The following AUH variants were observed in gnomAD, a reference collection of about 807,000 sequenced individuals.
AUH encodes the protein methylglutaconyl-CoA hydratase, mitochondrial.
Under a neutral mutation model 42.3 loss-of-function variants are expected in AUH, and 29 were observed. That is an observed-to-expected ratio of 0.69 (90% CI 0.51 to 0.93). AUH has a LOEUF of 0.93. AUH is among the 40% of genes least tolerant of loss of function. The pLI is 0.00. For synonymous variants in AUH, 174 were observed against 166.4 expected, an observed-to-expected ratio of 1.05 and a Z score of -0.35; for missense variants, 452 against 438.1, an observed-to-expected ratio of 1.03 and a Z score of -0.28.
chr9:91,219,050 G>A (rs1164735318), intron 7 of AUH: 13 of 985,034 alleles, frequency 1.3e-5, no homozygotes, highest in Admixed American at 1.2e-4. Context: ...CTGTGATGAC[G>A]GCTGGGTAAC....
intron 1 of AUH, chr9:91,357,551 C>T: frequency 1.1e-6 from 1 of 903,072 alleles, no homozygotes; most frequent in Non-Finnish European, 1.3e-6. Context: ...TCATAGAAAT[C>T]ATTAATAATC....
chr9:91,288,679 A>G (rs1026777924), intron 6 of AUH, among the ~76,000 whole-genome samples: 1 of 152,170 alleles, frequency 6.6e-6, no homozygotes, highest in South Asian at 2.1e-4. Context: ...TACATCTGAT[A>G]TAACTACTAC....
At chr9:91,279,389 T>C (rs1474109085) in intron 6 of AUH, among the ~76,000 whole-genome samples, 1 of 152,162 alleles carries the variant, frequency 6.6e-6, no homozygotes, top group Non-Finnish European at 1.5e-5. Flanking sequence ...TCCAACAGTA[T>C]TAGGCTATTT....
chr9:91,306,383 C>T, intron 4 of AUH: 10 of 985,348 alleles, frequency 1.0e-5, no homozygotes, highest in Non-Finnish European at 1.2e-5. Flanking sequence ...TAACAAAACT[C>T]TTGGCATTTA....
At chr9:91,225,734 A>C (rs1827418970) in intron 6 of AUH, among the ~76,000 whole-genome samples, 1 of 128,146 alleles carries the variant, frequency 7.8e-6, no homozygotes, top group Non-Finnish European at 1.6e-5. Flanking sequence ...CCAGAGTGTG[A>C]TTGTTCCCCT....
At chr9:91,228,679 T>A (rs1393734620) in intron 6 of AUH, among the ~76,000 whole-genome samples, 1 of 149,426 alleles carries the variant, frequency 6.7e-6, no homozygotes, top group Non-Finnish European at 1.5e-5. Flanking sequence ...CTGCTTTCTC[T>A]TGTGGGCATT....
intron 3 of AUH, among the ~76,000 whole-genome samples, chr9:91,354,553 T>C (rs538485985): frequency 2.0e-5 from 3 of 152,212 alleles, no homozygotes; most frequent in East Asian, 3.9e-4. Flanking sequence ...AATGCAGAAA[T>C]CTAGAACAAA....
Position 91,286,747 on chromosome 9 carries a change from T to C in AUH, c.655+9274A>G, listed in dbSNP as rs371714043. On this transcript the variant is annotated intron_variant, in intron 6 of 9. Transcript: ENST00000375731. ...AAAAAAAAAAAAAAAAATCTATCTA[T>C]CTACCTATCTACCTACCTACCTAAC... is the stretch of plus-strand genomic sequence containing the variant. Among the ~76,000 whole-genome samples, 86 of 151,284 alleles carry C rather than the reference T, an allele frequency of 5.7e-4. 3 individuals are homozygous for C. The South Asian group carries it at 0.011, about 19-fold the overall frequency.
intron 6 of AUH, among the ~76,000 whole-genome samples, chr9:91,267,690 T>C (rs1392606656): frequency 6.6e-6 from 1 of 151,778 alleles, no homozygotes; most frequent in Non-Finnish European, 1.5e-5. Flanking sequence ...CTGTTAGTGG[T>C]TTAAGGGAGC....
chr9:91,344,216 A>G (rs1171996289), intron 3 of AUH, among the ~76,000 whole-genome samples: 1 of 152,182 alleles, frequency 6.6e-6, no homozygotes, highest in Non-Finnish European at 1.5e-5. Context: ...CTTGGTCTCC[A>G]CAACTAAGAC....
Position 91,230,324 on chromosome 9 carries a change from C to T in AUH, c.656-9332G>A, listed in dbSNP as rs575575411. Among the ~76,000 whole-genome samples the T allele has an allele frequency of 1.9e-4, 29 of 152,234 alleles. No individual in the cohort carries two copies. The South Asian group carries it at 6.0e-3, about 32-fold the overall frequency. On this transcript the variant is annotated intron_variant, in intron 6 of 9. Transcript: ENST00000375731. ...TCATTTCATCTTCCATTGCTGATACCTTTTCTTCCAGTTGATCGCAGCGGC... is the reference window on the plus strand; with the variant it reads ...TCATTTCATCTTCCATTGCTGATACTTTTTCTTCCAGTTGATCGCAGCGGC...
chr9:91,321,587 T>A (rs1829576378), intron 4 of AUH, among the ~76,000 whole-genome samples: 1 of 152,126 alleles, frequency 6.6e-6, no homozygotes, highest in African/African-American at 2.4e-5. Context: ...GAAGTGAGAT[T>A]TCTTGAATAA....
chr9:91,279,257 T>C (rs1825780292), intron 6 of AUH, among the ~76,000 whole-genome samples: 1 of 152,164 alleles, frequency 6.6e-6, no homozygotes, highest in South Asian at 2.1e-4. Context: ...TCCTAGTCAA[T>C]TCTCACAACA....
intron 6 of AUH, among the ~76,000 whole-genome samples, chr9:91,249,292 C>CAAAAAAAAAAA (rs59102669): frequency 1.2e-4 from 4 of 32,532 alleles, no homozygotes; most frequent in African/African-American, 3.0e-4. Context: ...GAACCTGTCT[C>CAAAAAAAAAAA]AAAAAAAAAA....
chr9:91,246,818 A>C (rs1239208144), intron 6 of AUH, among the ~76,000 whole-genome samples: 1 of 152,256 alleles, frequency 6.6e-6, no homozygotes, highest in East Asian at 1.9e-4. Flanking sequence ...AAAATCCAAG[A>C]GTTAGGAATA....
chr9:91,232,642 T>C (rs571284085), intron 6 of AUH, among the ~76,000 whole-genome samples: 37 of 152,364 alleles, frequency 2.4e-4, no homozygotes, highest in African/African-American at 8.2e-4. Context: ...GCTGCATTAC[T>C]ATGCTATGAA....
At chr9:91,286,214 T>A (rs1314628343) in intron 6 of AUH, among the ~76,000 whole-genome samples, 1 of 152,118 alleles carries the variant, frequency 6.6e-6, no homozygotes, top group African/African-American at 2.4e-5. Context: ...GACTACTGTG[T>A]TCAGGACTAC....
intron 3 of AUH, among the ~76,000 whole-genome samples, chr9:91,333,472 A>G (rs1324132976): frequency 6.6e-6 from 1 of 152,218 alleles, no homozygotes; most frequent in Non-Finnish European, 1.5e-5. Flanking sequence ...AGAACTGACA[A>G]AAGCAAAAAT....
chr9:91,298,589 G>A (rs1221428036), intron 4 of AUH, among the ~76,000 whole-genome samples: 1 of 152,212 alleles, frequency 6.6e-6, no homozygotes, highest in Non-Finnish European at 1.5e-5. Flanking sequence ...GTCATTTAGT[G>A]AGGAGCCCTA....
Sources: gnomAD v4.1 joint callset for allele counts (sites outside exome capture counted in the v4.1 genomes callset) on GRCh38, gnomAD v4.1.1 for gene constraint, MANE v1.5 for transcripts, NCBI Gene and HGNC (gene_info 2026-07-23, HGNC 2026-07-21) for gene names.